Variants in UBE2R2 observed in about 807,000 individuals in gnomAD.
The protein encoded by UBE2R2 is ubiquitin-conjugating enzyme E2 R2.
UBE2R2 carries 1 observed loss-of-function variant against 27.8 expected under a neutral mutation model. The observed-to-expected ratio is 0.04, with a 90% CI of 0.01 to 0.17. The LOEUF (loss-of-function observed/expected upper bound fraction) is 0.17, where lower values mean the gene tolerates loss of function less well. UBE2R2 is among the 10% of genes least tolerant of loss of function. UBE2R2 has a pLI of 1.00. For missense variants in UBE2R2, 100 were observed against 291.0 expected (o/e 0.34, Z 4.78); for synonymous variants, 106 against 113.3 (o/e 0.94, Z 0.41).
At chr9:33,878,034 G>C (rs1195635255) in intron 1 of UBE2R2, among the ~76,000 whole-genome samples, 1 of 152,066 alleles carries the variant, frequency 6.6e-6, no homozygotes, top group African/African-American at 2.4e-5. Flanking sequence ...TAAGATTACA[G>C]GCGTGAGCCA....
At chr9:33,858,180 C>G (rs1821150235) in intron 1 of UBE2R2, among the ~76,000 whole-genome samples, 1 of 152,100 alleles carries the variant, frequency 6.6e-6, no homozygotes, top group Non-Finnish European at 1.5e-5. Flanking sequence ...TTGTTGTATC[C>G]TGAAGTACCC....
At chr9:33,902,038 T>C (rs4879732) in intron 3 of UBE2R2, among the ~76,000 whole-genome samples, 61,287 of 151,098 alleles carry the variant, frequency 0.41, 12,775 homozygotes, top group African/African-American at 0.48. Context: ...TTTAGTCTCT[T>C]GGGTAGCTGG....
chr9:33,847,966 G>A (rs1397329971), intron 1 of UBE2R2, among the ~76,000 whole-genome samples: 13 of 151,610 alleles, frequency 8.6e-5, no homozygotes, highest in Admixed American at 8.5e-4. Context: ...TGTTGGTCAG[G>A]CTGTTCTCAA....
intron 1 of UBE2R2, among the ~76,000 whole-genome samples, chr9:33,830,446 T>A (rs1470485579): frequency 6.9e-6 from 1 of 145,448 alleles, no homozygotes; most frequent in Admixed American, 6.8e-5. Flanking sequence ...CATGAGCCAC[T>A]GCGCCCGGCC....
upstream of UBE2R2, among the ~76,000 whole-genome samples, chr9:33,815,799 T>G (rs2119227523): frequency 6.6e-6 from 1 of 152,314 alleles, no homozygotes; most frequent in East Asian, 1.9e-4. Flanking sequence ...TTAAAGTTTT[T>G]TTCTTTCAAG....
intron 1 of UBE2R2, among the ~76,000 whole-genome samples, chr9:33,853,288 C>CTTTTTTTT (rs71506143): frequency 1.7e-5 from 2 of 115,362 alleles, no homozygotes; most frequent in East Asian, 2.4e-4. Context: ...TTTTCTCTCT[C>CTTTTTTTT]TTTTTTTTTT....
chr9:33,895,768 C>CTTTTTTTT (rs776870484), intron 2 of UBE2R2, among the ~76,000 whole-genome samples: 18 of 90,278 alleles, frequency 2.0e-4, no homozygotes, highest in African/African-American at 2.3e-4. Flanking sequence ...CTCTCTCTCT[C>CTTTTTTTT]TTTTTTTTTT....
intron 1 of UBE2R2, among the ~76,000 whole-genome samples, chr9:33,856,296 T>C (rs1821099544): frequency 6.6e-6 from 1 of 152,210 alleles, no homozygotes; most frequent in Admixed American, 6.6e-5. Context: ...ATACTGTATG[T>C]ATATGTAATT....
intron 1 of UBE2R2, among the ~76,000 whole-genome samples, chr9:33,834,112 T>C (rs1005082426): frequency 6.6e-6 from 1 of 152,166 alleles, no homozygotes; most frequent in African/African-American, 2.4e-5. Context: ...TGGTAGACTC[T>C]AGAGTCCCAC....
At chr9:33,854,184 T>C (rs746477605) in intron 1 of UBE2R2, among the ~76,000 whole-genome samples, 6 of 152,116 alleles carry the variant, frequency 3.9e-5, no homozygotes, top group Non-Finnish European at 5.9e-5. Context: ...CATTATATCA[T>C]AGTTAATGTG....
At chr9:33,815,588 T>C (rs1188358117), upstream of UBE2R2, among the ~76,000 whole-genome samples, 1 of 152,060 alleles carries the variant, frequency 6.6e-6, no homozygotes, top group Non-Finnish European at 1.5e-5. Context: ...CTACTAAAAA[T>C]ACAAAAATTA....
intron 1 of UBE2R2, among the ~76,000 whole-genome samples, chr9:33,832,628 C>T (rs1820518950): frequency 6.7e-6 from 1 of 150,124 alleles, no homozygotes; most frequent in Admixed American, 6.7e-5. Context: ...CACTGCACTC[C>T]AGCCTGGGCA....
chr9:33,876,711 C>G (rs529455549), intron 1 of UBE2R2, among the ~76,000 whole-genome samples: 50 of 152,188 alleles, frequency 3.3e-4, no homozygotes, highest in African/African-American at 1.2e-3. Flanking sequence ...GTCAGGAGAT[C>G]GAGACCATCC....
chr9:33,833,331 C>T (rs997300080), intron 1 of UBE2R2, among the ~76,000 whole-genome samples: 14 of 152,210 alleles, frequency 9.2e-5, no homozygotes, highest in African/African-American at 3.1e-4. Context: ...TCCCAAAGTG[C>T]TGGCATTACA....
chr9:33,862,920 A>C (rs1346416411), intron 1 of UBE2R2, among the ~76,000 whole-genome samples: 1 of 152,120 alleles, frequency 6.6e-6, no homozygotes, highest in Non-Finnish European at 1.5e-5. Flanking sequence ...AAGAAAGTAT[A>C]CCAGCATGGT....
At chr9:33,881,135 T>C (rs1821724388) in intron 1 of UBE2R2, among the ~76,000 whole-genome samples, 1 of 152,208 alleles carries the variant, frequency 6.6e-6, no homozygotes, top group Non-Finnish European at 1.5e-5. Flanking sequence ...CAGTTAATAT[T>C]ATGTCTTCTT....
chr9:33,831,951 G>A (rs562362609), intron 1 of UBE2R2, among the ~76,000 whole-genome samples: 4 of 149,802 alleles, frequency 2.7e-5, no homozygotes, highest in Non-Finnish European at 5.9e-5. Context: ...GTGTGCCACC[G>A]CGCCCGACCT....
At chr9:33,881,163 A>G (rs1017070216) in intron 1 of UBE2R2, among the ~76,000 whole-genome samples, 1 of 152,150 alleles carries the variant, frequency 6.6e-6, no homozygotes, top group Non-Finnish European at 1.5e-5. Context: ...TGATCCCCTT[A>G]TGAAATTACC....
At chr9:33,908,532 T>TA (rs1330448438) in intron 3 of UBE2R2, among the ~76,000 whole-genome samples, 2 of 152,180 alleles carry the variant, frequency 1.3e-5, no homozygotes, top group African/African-American at 4.8e-5. Flanking sequence ...GAAGAAAACT[T>TA]ACTGGGTTGA....
Sources: allele counts gnomAD v4.1 joint callset (sites outside exome capture counted in the v4.1 genomes callset), GRCh38; gene constraint gnomAD v4.1.1; transcripts MANE v1.5; gene names NCBI Gene and HGNC (gene_info 2026-07-23, HGNC 2026-07-21).